NAV2: variants seen among roughly 807,000 people sequenced by gnomAD.
NAV2 encodes the protein helicase, APC down-regulated 1.
NAV2 carries 54 observed loss-of-function variants against 223.2 expected under a neutral mutation model. That is an observed-to-expected ratio of 0.24 (90% CI 0.19 to 0.30). The LOEUF (loss-of-function observed/expected upper bound fraction) is 0.30, where lower values mean the gene tolerates loss of function less well. Among genes scored for constraint, NAV2 ranks in the 10% least tolerant of loss-of-function variants. The pLI is 1.00. For missense variants in NAV2, 2,806 were observed against 3,147.5 expected (o/e 0.89, Z 2.60); for synonymous variants, 1,279 against 1,239.3 (o/e 1.03, Z -0.67).
At chr11:19,413,260 G>A (rs548246132) in intron 1 of NAV2, among the ~76,000 whole-genome samples, 14 of 152,208 alleles carry the variant, frequency 9.2e-5, no homozygotes, top group African/African-American at 2.4e-4. Context: ...AACACAGTAC[G>A]AGAACTTCGT....
intron 1 of NAV2, among the ~76,000 whole-genome samples, chr11:19,430,759 A>G (rs945780107): frequency 6.6e-6 from 1 of 152,198 alleles, no homozygotes; most frequent in African/African-American, 2.4e-5. Context: ...AGTTGAGGGT[A>G]GAGAGCATCA....
intron 1 of NAV2, among the ~76,000 whole-genome samples, chr11:19,530,420 C>T (rs1039802389): frequency 5.3e-5 from 8 of 152,208 alleles, no homozygotes; most frequent in African/African-American, 1.9e-4. Context: ...GTGCTTTACA[C>T]GCATATCATG....
intron 1 of NAV2, among the ~76,000 whole-genome samples, chr11:19,715,515 G>A (rs992164761): frequency 2.6e-5 from 4 of 152,164 alleles, no homozygotes; most frequent in Non-Finnish European, 5.9e-5. Flanking sequence ...GACTGGAGGT[G>A]ACACATACCC....
chr11:19,753,286 G>C (rs1458414707), intron 1 of NAV2, among the ~76,000 whole-genome samples: 2 of 152,098 alleles, frequency 1.3e-5, no homozygotes, highest in African/African-American at 4.8e-5. Context: ...CTAGGCCTTT[G>C]CATATTCTGT....
intron 34 of NAV2, chr11:20,105,210 C>G (rs530995950): frequency 4.5e-6 from 1 of 223,094 alleles, no homozygotes; most frequent in East Asian, 1.1e-4. Context: ...AGCCTAGCCT[C>G]TGGAGCCAGG....
chr11:19,489,191 T>C (rs1261147018), intron 1 of NAV2, among the ~76,000 whole-genome samples: 3 of 152,220 alleles, frequency 2.0e-5, no homozygotes, highest in African/African-American at 4.8e-5. Context: ...ACTGTGAAGA[T>C]ACAAGGTCCC....
At chr11:19,601,450 G>C (rs915894750) in intron 1 of NAV2, among the ~76,000 whole-genome samples, 1 of 152,138 alleles carries the variant, frequency 6.6e-6, no homozygotes, top group Non-Finnish European at 1.5e-5. Flanking sequence ...GTGCTCTTGG[G>C]TATGTGTGTC....
chr11:19,581,019 C>T (rs1022947962), intron 1 of NAV2, among the ~76,000 whole-genome samples: 5 of 152,202 alleles, frequency 3.3e-5, no homozygotes, highest in African/African-American at 1.2e-4. Context: ...TGATTACTAA[C>T]AAGGTGGATA....
At chr11:19,800,776 T>C (rs1277071056) in intron 1 of NAV2, among the ~76,000 whole-genome samples, 3 of 151,990 alleles carry the variant, frequency 2.0e-5, no homozygotes, top group African/African-American at 7.2e-5. Flanking sequence ...GTGCTTTCAT[T>C]ACACCATGAT....
At chr11:19,831,228 G>T (rs745956446) in intron 1 of NAV2, among the ~76,000 whole-genome samples, 2 of 111,016 alleles carry the variant, frequency 1.8e-5, no homozygotes, top group East Asian at 2.6e-4. Flanking sequence ...TGTTGCGGGG[G>T]GGGGGGGGGC....
intron 1 of NAV2, among the ~76,000 whole-genome samples, chr11:19,429,202 G>A (rs1259672019): frequency 3.3e-5 from 5 of 152,206 alleles, no homozygotes; most frequent in Admixed American, 2.6e-4. Context: ...TGTGTATCCA[G>A]CTCTAATCAT....
intron 1 of NAV2, among the ~76,000 whole-genome samples, chr11:19,697,722 G>A (rs907212002): frequency 1.3e-5 from 2 of 152,094 alleles, no homozygotes; most frequent in Non-Finnish European, 2.9e-5. Flanking sequence ...GCATTTGCTG[G>A]GAGGGGCTTA....
intron 6 of NAV2, among the ~76,000 whole-genome samples, chr11:19,904,155 A>G (rs1158849911): frequency 6.6e-6 from 1 of 152,202 alleles, no homozygotes; most frequent in Non-Finnish European, 1.5e-5. Context: ...TCTAAACCAG[A>G]CTGTATAGTG....
chr11:19,418,646 C>A (rs1418683441), intron 1 of NAV2, among the ~76,000 whole-genome samples: 1 of 151,998 alleles, frequency 6.6e-6, no homozygotes, highest in East Asian at 1.9e-4. Context: ...CAAAATAAGC[C>A]AAGGGGAGAA....
At chr11:19,408,024 T>A (rs1450019691) in intron 1 of NAV2, among the ~76,000 whole-genome samples, 2 of 152,148 alleles carry the variant, frequency 1.3e-5, no homozygotes, top group Non-Finnish European at 2.9e-5. Flanking sequence ...CCTGGGACTT[T>A]GTGCACATTT....
chr11:19,559,530 T>C (rs1457606434), intron 1 of NAV2, among the ~76,000 whole-genome samples: 1 of 152,236 alleles, frequency 6.6e-6, no homozygotes, highest in African/African-American at 2.4e-5. Context: ...GAGATTTTAA[T>C]TTGAACTTCA....
chr11:19,949,098 C>T lies in NAV2; in HGVS notation c.2645+18C>T. 3.2e-6 allele frequency: 5 copies of T among 1,563,288 alleles called. No homozygotes were observed. The highest frequency in any genetic ancestry group is 4.3e-6 in the Non-Finnish European group (5 of 1,154,152). On this transcript the variant is annotated intron_variant, in intron 10 of 37. Transcript: ENST00000349880. ...ACAAGCGGGTAAGTACCCGGGGCCG[C>T]CCTTTCTCCCAGAGAGAAAGAGGGC...
intron 1 of NAV2, among the ~76,000 whole-genome samples, chr11:19,790,500 T>C (rs948140635): frequency 2.0e-5 from 3 of 152,196 alleles, no homozygotes; most frequent in African/African-American, 7.2e-5. Context: ...CAGAAAGGGC[T>C]CAGAGCAATT....
chr11:20,014,062 G>C (rs938142362), intron 11 of NAV2, among the ~76,000 whole-genome samples: 2 of 152,168 alleles, frequency 1.3e-5, no homozygotes, highest in African/African-American at 2.4e-5. Context: ...GAAAACTTTG[G>C]GTGAAGGAAG....
Sources: gnomAD v4.1 joint callset for allele counts (sites outside exome capture counted in the v4.1 genomes callset) on GRCh38, gnomAD v4.1.1 for gene constraint, MANE v1.5 for transcripts, NCBI Gene and HGNC (gene_info 2026-07-23, HGNC 2026-07-21) for gene names.